The following RBAK variants were observed in gnomAD, a reference collection of about 807,000 sequenced individuals.
RBAK encodes RB-associated KRAB zinc finger protein.
Under a neutral mutation model 65.8 loss-of-function variants are expected in RBAK, and 39 were observed. That is an observed-to-expected ratio of 0.59 (90% CI 0.46 to 0.77). RBAK has a LOEUF of 0.77. Among genes scored for constraint, RBAK ranks in the 30% least tolerant of loss-of-function variants. The pLI is 0.00. For missense variants in RBAK, 884 were observed against 855.1 expected (o/e 1.03, Z -0.42); for synonymous variants, 343 against 289.7 (o/e 1.18, Z -1.87).
rs11973966 is a variant in RBAK at position 5,048,533 on chromosome 7, G to C, written c.15+442G>C. Among the ~76,000 whole-genome samples, 1,000 of 152,312 alleles carry C rather than the reference G, an allele frequency of 6.6e-3. 13 individuals are homozygous for C. Among genetic ancestry groups the C allele is most frequent in the African/African-American group, 0.023 (953 of 41,558 alleles). ...GACATTGTCCTGTAAAATATAGTTA[G>C]TGTGGCAGATCAGCACCAAAAATGA... is the stretch of plus-strand genomic sequence containing the variant. On this transcript the variant is annotated intron_variant, in intron 2 of 4. Coordinates refer to ENST00000396912, the MANE Select transcript of RBAK (RefSeq NM_021163.4). The surrounding 1 kb of genome is among the most constrained non-coding windows in gnomAD (Gnocchi z 4.4).
intron 2 of RBAK, among the ~76,000 whole-genome samples, chr7:5,055,009 T>A (rs1788195262): frequency 6.6e-6 from 1 of 152,106 alleles, no homozygotes; most frequent in Non-Finnish European, 1.5e-5. Context: ...CTTGAACTCC[T>A]GACCTCGGGT....
intron 4 of RBAK, among the ~76,000 whole-genome samples, chr7:5,062,536 G>A (rs1779102743): frequency 6.6e-6 from 1 of 152,168 alleles, no homozygotes; most frequent in South Asian, 2.1e-4. Flanking sequence ...CAGGACCGGG[G>A]CAAAATTAAA....
chr7:5,065,080 A>G lies in RBAK; in HGVS notation c.1624A>G (p.Asn542Asp). Reference sequence around the variant, plus strand: ...AAAAGGGGAGAAATCCTATGAATGTAATGTATGTGGAAAGTTATTCAATGA... The same window carrying G: ...AAAAGGGGAGAAATCCTATGAATGTGATGTATGTGGAAAGTTATTCAATGA... ...LPKGEKSYEC[N>D]VCGKLFNELS... is the part of the protein sequence containing the mutation. The change falls in exon 5 of 5, where the codon AAT (asparagine) becomes GAT (aspartate). Residue 542 changes from asparagine (N) to aspartate (D), a missense_variant. Transcript: ENST00000396912. The surrounding 1 kb of genome is among the most constrained non-coding windows in gnomAD (Gnocchi z 5.3). 2 of 1,614,026 alleles carry G rather than the reference A, an allele frequency of 1.2e-6. No homozygotes were observed. The highest frequency in any genetic ancestry group is 2.2e-5 in the South Asian group (2 of 91,060).
chr7:5,048,155 G>A lies in RBAK; in HGVS notation c.15+64G>A, dbSNP rs1193827988. 19 of 1,564,794 alleles carry A rather than the reference G, an allele frequency of 1.2e-5. No individual in the cohort carries two copies. The highest frequency in any genetic ancestry group is 1.6e-5 in the Non-Finnish European group (18 of 1,155,498). On this transcript the variant is annotated intron_variant, in intron 2 of 4. Transcript: ENST00000396912. This position sits in a 1 kb window ranked among gnomAD's most constrained non-coding sequence, Gnocchi z 4.4. Reference sequence around the variant, plus strand: ...TTTTATGATGCATTTTAAGAGGTTTGTAAGGATTCTTACCTTTTTTTTTTT... The same window carrying A: ...TTTTATGATGCATTTTAAGAGGTTTATAAGGATTCTTACCTTTTTTTTTTT...
chr7:5,047,557 C>T (rs1788016700), intron 1 of RBAK, among the ~76,000 whole-genome samples: 1 of 147,786 alleles, frequency 6.8e-6, no homozygotes, highest in South Asian at 2.2e-4. Flanking sequence ...CTTAGAGTTA[C>T]AAAGTTACAA....
rs759858670 is a variant in RBAK at position 5,046,366 on chromosome 7, C to T, written c.-75C>T. The T allele has an allele frequency of 5.8e-6, 3 of 515,970 alleles. No individual in the cohort carries two copies. The highest frequency in any genetic ancestry group is 1.2e-5 in the Non-Finnish European group (3 of 259,340). The allele number at this position is 515,970 out of a possible 1,614,324, so 32.0% of individuals were successfully genotyped here. A position where few individuals can be genotyped will look rare whatever the true frequency, so the allele number is the denominator to read the frequency against. ...AGCCCCGCCCCGGCCTCTCGGGAGC[C>T]GTGGGGCAGAGGCTGCGGAGCCCCA... On this transcript the variant is annotated 5_prime_UTR_variant, in exon 1 of 5. Transcript: ENST00000396912.
intron 4 of RBAK, among the ~76,000 whole-genome samples, chr7:5,062,770 T>C (rs1252869431): frequency 2.0e-5 from 3 of 152,218 alleles, no homozygotes; most frequent in African/African-American, 7.2e-5. Context: ...CCTAGGCGCA[T>C]ATTCTCTTTC....
chr7:5,057,606 G>C (rs1778960178), intron 3 of RBAK, 78 bp from the exon 4 acceptor site: 2 of 1,600,656 alleles, frequency 1.2e-6, no homozygotes, highest in Admixed American at 3.4e-5. Flanking sequence ...TGCAGCTTAT[G>C]AGGTGGCAAC....
chr7:5,060,584 A>G (rs1472294700), intron 4 of RBAK, among the ~76,000 whole-genome samples: 1 of 152,228 alleles, frequency 6.6e-6, no homozygotes, highest in East Asian at 1.9e-4. Flanking sequence ...AATGTCTTCA[A>G]GTTTCCCCCA....
rs1449078285 is a variant in RBAK at position 5,060,659 on chromosome 7, T to C, written c.238+2880T>C. The stretch of plus-strand genomic sequence containing the variant: ...CAAATTGAATGAGGAAGATCACGAG[T>C]ACAGACTTGTGGCTGAGAATAAGCA... On this transcript the variant is annotated intron_variant, in intron 4 of 4. Transcript: ENST00000396912. Among the ~76,000 whole-genome samples the C allele has an allele frequency of 5.3e-5, 8 of 152,344 alleles. No homozygotes were observed. The East Asian group carries it at 1.5e-3, about 29-fold the overall frequency.
At chr7:5,049,849 G>A (rs1467567651) in intron 2 of RBAK, among the ~76,000 whole-genome samples, 1 of 151,888 alleles carries the variant, frequency 6.6e-6, no homozygotes, top group African/African-American at 2.4e-5. Flanking sequence ...TCAGCCTCCT[G>A]CATAGCTACA....
In RBAK at chr7:5,066,033, A is replaced by G. The variant is rs532767319; in HGVS notation, c.*432A>G. ...GGCTATGAGCTCTGAATAAATCTTC[A>G]TTGTATAAAATGAAGTTTTTAAATT... On this transcript the variant is annotated 3_prime_UTR_variant, in exon 5 of 5. Coordinates refer to ENST00000396912, the MANE Select transcript of RBAK (RefSeq NM_021163.4). 1 of 153,238 alleles carries G rather than the reference A, an allele frequency of 6.5e-6. No individual in the cohort carries two copies. The highest frequency in any genetic ancestry group is 1.9e-4 in the East Asian group (1 of 5,182). The allele number at this position is 153,238 out of a possible 1,614,324, so 9.5% of individuals were successfully genotyped here. A position where few individuals can be genotyped will look rare whatever the true frequency, so the allele number is the denominator to read the frequency against.
rs1562536685 is a variant in RBAK at position 5,057,664 on chromosome 7, CCTT to C, written c.143-16_143-14del. The C allele has an allele frequency of 1.9e-6, 3 of 1,613,448 alleles. No homozygotes were observed. Among genetic ancestry groups the C allele is most frequent in the South Asian group, 1.1e-5 (1 of 91,002 alleles). ...AAGCCAAGCAGCTTCCCCAAGTCCTCCTTCTTTTCCCATTAACAGGATATGATA... is the reference window on the plus strand; with the variant it reads ...AAGCCAAGCAGCTTCCCCAAGTCCTCCTTTTCCCATTAACAGGATATGATA... On this transcript the variant is annotated splice_polypyrimidine_tract_variant and intron_variant, in intron 3 of 4. Coordinates refer to ENST00000396912, the MANE Select transcript of RBAK (RefSeq NM_021163.4).
At position 5,046,080 on chromosome 7, in the gene RBAK, G is replaced by A; in HGVS notation, c.-361G>A. The stretch of plus-strand genomic sequence containing the variant: ...GAGCCCCGGAGCCGGCGGCGCTGGG[G>A]CCAGAGGGGCCGGACGGGAGGTGGC... On this transcript the variant is annotated 5_prime_UTR_variant, in exon 1 of 5. Transcript: ENST00000396912. 3.2e-6 allele frequency: 1 copy of A among 308,168 alleles called. No homozygotes were observed. The highest frequency in any genetic ancestry group is 6.1e-6 in the Non-Finnish European group (1 of 162,808). The allele number at this position is 308,168 out of a possible 1,614,324, so 19.1% of individuals were successfully genotyped here. A position where few individuals can be genotyped will look rare whatever the true frequency, so the allele number is the denominator to read the frequency against.
At chr7:5,059,910 C>G (rs1273924870) in intron 4 of RBAK, among the ~76,000 whole-genome samples, 7 of 151,916 alleles carry the variant, frequency 4.6e-5, no homozygotes, top group African/African-American at 1.7e-4. Flanking sequence ...AGTATAAACT[C>G]TGATGGGATT....
rs1426841016 is a variant in RBAK, at chr7:5,067,146, A to T, written c.*1545A>T. On this transcript the variant is annotated 3_prime_UTR_variant, in exon 5 of 5. Transcript: ENST00000396912. ...AAGATTATAAAAATAAGACAAGGAT[A>T]TCTGCTGTCAATGATTTTATTCGGC... 1 of 152,226 alleles carries T rather than the reference A, an allele frequency of 6.6e-6. No individual in the cohort carries two copies. The highest frequency in any genetic ancestry group is 6.5e-5 in the Admixed American group (1 of 15,280). 9.4% of individuals were successfully genotyped at this position (152,226 alleles called of 1,614,324 possible).
At chr7:5,059,891 T>A (rs1779027368) in intron 4 of RBAK, among the ~76,000 whole-genome samples, 1 of 152,180 alleles carries the variant, frequency 6.6e-6, no homozygotes, top group Non-Finnish European at 1.5e-5. Context: ...TAGGAGTGTA[T>A]GCTCTATGAG....
At position 5,065,618 on chromosome 7, in the gene RBAK, T is replaced by G. The variant is rs753082517; in HGVS notation, c.*17T>G. ...AATCTCTGAAGTCAGATCTCAATTT[T>G]TAGAAAACTCTCTGAATATAATGAA... On this transcript the variant is annotated 3_prime_UTR_variant, in exon 5 of 5. Transcript: ENST00000396912. This position sits in a 1 kb window ranked among gnomAD's most constrained non-coding sequence, Gnocchi z 5.3. The G allele has an allele frequency of 2.7e-6, 4 of 1,467,182 alleles. No individual in the cohort carries two copies. Among genetic ancestry groups the G allele is most frequent in the Non-Finnish European group, 3.6e-6 (4 of 1,098,104 alleles). 90.9% of individuals were successfully genotyped at this position (1,467,182 alleles called of 1,614,324 possible).
In RBAK at chr7:5,049,486, T is replaced by C. The variant is rs536520601; in HGVS notation, c.15+1395T>C. On this transcript the variant is annotated intron_variant, in intron 2 of 4. Transcript: ENST00000396912. ...AGTTCTCAGTGTTTTAGTTTTGTCC[T>C]TTTCACGTTGCTGAGTCAGTCTGTA... is the stretch of plus-strand genomic sequence containing the variant. 2.6e-5 allele frequency among the ~76,000 whole-genome samples: 4 copies of C among 152,344 alleles called. No individual in the cohort carries two copies. In the South Asian group the frequency reaches 8.3e-4, roughly 32 times the overall value.
Sources: allele counts gnomAD v4.1 joint callset (sites outside exome capture counted in the v4.1 genomes callset), GRCh38; gene constraint gnomAD v4.1.1; non-coding constraint Gnocchi (gnomAD v3.1); transcripts MANE v1.5; gene names NCBI Gene and HGNC (gene_info 2026-07-23, HGNC 2026-07-21).